TBC1D5: variants seen among roughly 807,000 people sequenced by gnomAD.
TBC1D5 encodes TBC1 domain family, member 5.
A neutral mutation model predicts 100.3 loss-of-function variants in TBC1D5; 75 were observed. The ratio of observed to expected loss-of-function variants is 0.75; its 90% CI spans 0.62 to 0.91. TBC1D5 has a LOEUF of 0.91. Among genes scored for constraint, TBC1D5 ranks in the 40% least tolerant of loss-of-function variants. TBC1D5 has a pLI of 0.00. For missense variants in TBC1D5, 910 were observed against 942.4 expected, an observed-to-expected ratio of 0.97 and a Z score of 0.45; for synonymous variants, 323 against 325.6, an observed-to-expected ratio of 0.99 and a Z score of 0.09.
intron 1 of TBC1D5, among the ~76,000 whole-genome samples, chr3:17,726,151 G>A (rs1038052891): frequency 2.6e-5 from 4 of 152,002 alleles, no homozygotes; most frequent in South Asian, 4.1e-4. Flanking sequence ...TGTCTTTGCC[G>A]TCGCGAACAG....
chr3:17,213,690 C>T (rs760274587), intron 18 of TBC1D5, among the ~76,000 whole-genome samples: 16 of 135,446 alleles, frequency 1.2e-4, no homozygotes, highest in Non-Finnish European at 2.1e-4. Flanking sequence ...CGCTTAAACC[C>T]AGGAGGTGGA....
intron 2 of TBC1D5, among the ~76,000 whole-genome samples, chr3:17,610,773 T>A (rs1443808049): frequency 6.6e-6 from 1 of 152,094 alleles, no homozygotes; most frequent in East Asian, 1.9e-4. Context: ...TCGCAGCACT[T>A]TGGGAGGCCG....
At chr3:17,258,778 T>C (rs905383690) in intron 15 of TBC1D5, among the ~76,000 whole-genome samples, 187 bp from the exon 16 acceptor site, 8 of 152,162 alleles carry the variant, frequency 5.3e-5, no homozygotes, top group African/African-American at 1.9e-4. Flanking sequence ...ACAAAAATTA[T>C]TTATTTTTTC....
intron 2 of TBC1D5, among the ~76,000 whole-genome samples, chr3:17,544,893 C>T (rs561953248): frequency 6.6e-6 from 1 of 152,186 alleles, no homozygotes; most frequent in African/African-American, 2.4e-5. Context: ...GAGGTGAAAA[C>T]TACATCACGT....
chr3:17,396,088 T>C (rs984686149), intron 8 of TBC1D5, among the ~76,000 whole-genome samples: 2 of 152,116 alleles, frequency 1.3e-5, no homozygotes, highest in Non-Finnish European at 2.9e-5. Flanking sequence ...CCGACAACTC[T>C]TAGAGAGCGG....
At chr3:17,368,986 CAGT>C (rs1243186678) in intron 13 of TBC1D5, among the ~76,000 whole-genome samples, 3 of 152,112 alleles carry the variant, frequency 2.0e-5, no homozygotes, top group Admixed American at 6.6e-5. Flanking sequence ...AAGGAATAAA[CAGT>C]AGCACAGCAA....
chr3:17,411,224 G>A (rs1431355662), intron 4 of TBC1D5, among the ~76,000 whole-genome samples: 5 of 151,392 alleles, frequency 3.3e-5, no homozygotes, highest in Admixed American at 1.3e-4. Flanking sequence ...TTTGCAATAA[G>A]GTATTTTTAA....
rs575160945 is a variant in TBC1D5 at position 17,736,050 on chromosome 3, T to G, written c.-101+3293A>C. Among the ~76,000 whole-genome samples, 23 of 152,304 alleles carry G rather than the reference T, an allele frequency of 1.5e-4. 1 individual carries two copies. In the South Asian group the frequency reaches 4.8e-3, roughly 32 times the overall value. Reference sequence around the variant, plus strand: ...TTGACTATTTCTTTACCTCCTGCTTTAGAATAATTTGTATTTTAGTGAGCC... The same window carrying G: ...TTGACTATTTCTTTACCTCCTGCTTGAGAATAATTTGTATTTTAGTGAGCC... On this transcript the variant is annotated intron_variant, in intron 1 of 21. Transcript: ENST00000253692.
chr3:17,169,924 A>G (rs1041320098), intron 19 of TBC1D5, among the ~76,000 whole-genome samples: 2 of 152,230 alleles, frequency 1.3e-5, no homozygotes, highest in Non-Finnish European at 2.9e-5. Flanking sequence ...AGGAGCGCAC[A>G]ACCTTGATCC....
chr3:17,444,465 A>G (rs2094737954), intron 3 of TBC1D5, among the ~76,000 whole-genome samples: 2 of 152,100 alleles, frequency 1.3e-5, no homozygotes. Context: ...CTACATAATA[A>G]TCAATGTATG....
At chr3:17,309,974 A>G (rs1391609056) in intron 13 of TBC1D5, among the ~76,000 whole-genome samples, 1 of 152,128 alleles carries the variant, frequency 6.6e-6, no homozygotes, top group Non-Finnish European at 1.5e-5. Context: ...TTAATACACA[A>G]CTACAGTTAG....
intron 2 of TBC1D5, among the ~76,000 whole-genome samples, chr3:17,536,630 T>A (rs1398205464): frequency 3.3e-5 from 5 of 152,156 alleles, no homozygotes; most frequent in Admixed American, 2.6e-4. Context: ...CAAGAGGTCC[T>A]GAGAAAGTGC....
chr3:17,246,597 G>C (rs1161262298), intron 16 of TBC1D5, among the ~76,000 whole-genome samples: 1 of 152,186 alleles, frequency 6.6e-6, no homozygotes, highest in Non-Finnish European at 1.5e-5. Context: ...CACATATATG[G>C]CCAGTTGATT....
chr3:17,572,447 T>C (rs1043048713), intron 2 of TBC1D5, among the ~76,000 whole-genome samples: 13 of 151,974 alleles, frequency 8.6e-5, no homozygotes, highest in African/African-American at 3.1e-4. Flanking sequence ...TCTCTCTCTC[T>C]CCCTTCTGGG....
At chr3:17,352,106 T>G (rs2151694977) in intron 13 of TBC1D5, among the ~76,000 whole-genome samples, 1 of 152,130 alleles carries the variant, frequency 6.6e-6, no homozygotes, top group Middle Eastern at 3.4e-3. Context: ...TTCTTGATGC[T>G]AAATGTAAGG....
intron 14 of TBC1D5, among the ~76,000 whole-genome samples, chr3:17,296,884 C>T (rs987995598): frequency 6.6e-6 from 1 of 152,198 alleles, no homozygotes; most frequent in Non-Finnish European, 1.5e-5. Flanking sequence ...AGAGGACAAT[C>T]TCAAATTCAG....
At chr3:17,633,377 A>C (rs1249945361) in intron 1 of TBC1D5, among the ~76,000 whole-genome samples, 1 of 151,752 alleles carries the variant, frequency 6.6e-6, no homozygotes, top group African/African-American at 2.4e-5. Context: ...CAGAGGTTGC[A>C]GTAAGCCGAG....
At chr3:17,453,315 A>C (rs979766613) in intron 3 of TBC1D5, among the ~76,000 whole-genome samples, 3 of 152,024 alleles carry the variant, frequency 2.0e-5, no homozygotes, top group African/African-American at 7.2e-5. Flanking sequence ...AATGAAGATC[A>C]GATCAGAAAT....
At chr3:17,328,152 C>T (rs2086402471) in intron 13 of TBC1D5, among the ~76,000 whole-genome samples, 1 of 151,946 alleles carries the variant, frequency 6.6e-6, no homozygotes. Context: ...CACCTATAGT[C>T]CCAGCTACTT....
Sources: gnomAD v4.1 joint callset for allele counts (sites outside exome capture counted in the v4.1 genomes callset) on GRCh38, gnomAD v4.1.1 for gene constraint, MANE v1.5 for transcripts, NCBI Gene and HGNC (gene_info 2026-07-23, HGNC 2026-07-21) for gene names.